DOCK3: variants seen among roughly 807,000 people sequenced by gnomAD.
DOCK3 encodes dedicator of cytokinesis 3.
DOCK3 carries 60 observed loss-of-function variants against 265.6 expected under a neutral mutation model. That is an observed-to-expected ratio of 0.23 (90% CI 0.18 to 0.28). The LOEUF (loss-of-function observed/expected upper bound fraction) is 0.28. Ranked by LOEUF, DOCK3 falls within the 10% of genes least tolerant of loss-of-function variation. The pLI is 1.00. For missense variants in DOCK3, 1,981 were observed against 2,594.3 expected (o/e 0.76, Z 5.14); for synonymous variants, 881 against 938.0 (o/e 0.94, Z 1.11).
At chr3:50,742,571 C>CG (rs2039125534) in intron 1 of DOCK3, among the ~76,000 whole-genome samples, 1 of 151,804 alleles carries the variant, frequency 6.6e-6, no homozygotes, top group African/African-American at 2.4e-5. Context: ...GGAGCCGATG[C>CG]GATCAACTGG....
Position 51,239,433 on chromosome 3 carries a change from C to A in DOCK3, c.2102+1843C>A, listed in dbSNP as rs1031236289. Among the ~76,000 whole-genome samples the A allele has an allele frequency of 3.3e-5, 5 of 151,938 alleles. No individual in the cohort carries two copies. The South Asian group carries it at 1.0e-3, about 31-fold the overall frequency. On this transcript the variant is annotated intron_variant, in intron 21 of 52. Coordinates refer to ENST00000266037, the MANE Select transcript of DOCK3 (RefSeq NM_004947.5). ...CCATGTTGGCCAGGCTGGTCTCCAT[C>A]TCCTGACCTGCCTCGGCCTCCCAAA... is the stretch of plus-strand genomic sequence containing the variant.
At chr3:51,241,100 G>C (rs1274791800) in intron 21 of DOCK3, among the ~76,000 whole-genome samples, 1 of 152,156 alleles carries the variant, frequency 6.6e-6, no homozygotes, top group Admixed American at 6.5e-5. Flanking sequence ...TCCTTCGGGA[G>C]CTCTTGTAAG....
chr3:51,077,903 T>A (rs994701645), intron 7 of DOCK3, among the ~76,000 whole-genome samples: 2 of 152,164 alleles, frequency 1.3e-5, no homozygotes, highest in African/African-American at 4.8e-5. Flanking sequence ...CAGACCTTCA[T>A]ACAGTGAAAC....
intron 5 of DOCK3, among the ~76,000 whole-genome samples, chr3:50,961,310 A>G (rs1351961716): frequency 6.6e-6 from 1 of 152,232 alleles, no homozygotes; most frequent in Non-Finnish European, 1.5e-5. Flanking sequence ...ACACTGAGTA[A>G]TATCTTAGAT....
chr3:50,983,129 C>T (rs996140174), intron 5 of DOCK3, among the ~76,000 whole-genome samples: 3 of 152,180 alleles, frequency 2.0e-5, no homozygotes, highest in Admixed American at 2.0e-4. Context: ...TCTGCTGCCT[C>T]GGCCCCCTCT....
chr3:51,255,573 C>A (rs1335803341), intron 22 of DOCK3, among the ~76,000 whole-genome samples: 4 of 152,200 alleles, frequency 2.6e-5, no homozygotes, highest in African/African-American at 9.6e-5. Flanking sequence ...TTTCTTTTTA[C>A]TCTTTTTTCT....
chr3:50,688,477 T>C (rs1246064562), intron 1 of DOCK3, among the ~76,000 whole-genome samples: 1 of 152,146 alleles, frequency 6.6e-6, no homozygotes, highest in East Asian at 1.9e-4. Flanking sequence ...ATTAATTATT[T>C]TGTGAGATGG....
chr3:51,267,602 T>C (rs2080265548), intron 23 of DOCK3, among the ~76,000 whole-genome samples: 1 of 152,074 alleles, frequency 6.6e-6, no homozygotes. Flanking sequence ...GCCAGGCTAG[T>C]CTCGAACTCC....
intron 1 of DOCK3, among the ~76,000 whole-genome samples, chr3:50,701,258 C>T (rs895964374): frequency 6.6e-6 from 1 of 151,376 alleles, no homozygotes; most frequent in Admixed American, 6.6e-5. Context: ...GCTAGGACAA[C>T]AGGTCCACGC....
At chr3:51,324,442 A>G (rs1385803922) in intron 32 of DOCK3, among the ~76,000 whole-genome samples, 4 of 152,216 alleles carry the variant, frequency 2.6e-5, no homozygotes, top group Admixed American at 1.3e-4. Flanking sequence ...AAATGGAAAA[A>G]CATTCCATGC....
intron 1 of DOCK3, among the ~76,000 whole-genome samples, chr3:50,764,647 A>C (rs1476126514): frequency 6.6e-6 from 1 of 152,146 alleles, no homozygotes; most frequent in Non-Finnish European, 1.5e-5. Flanking sequence ...ATATCTACAA[A>C]ATTTAAGAAT....
chr3:50,789,825 T>A (rs1446425588), intron 2 of DOCK3, among the ~76,000 whole-genome samples: 1 of 152,216 alleles, frequency 6.6e-6, no homozygotes, highest in Non-Finnish European at 1.5e-5. Context: ...CTGTGCCTTC[T>A]GGGTTCAAGC....
Position 51,089,236 on chromosome 3 carries a change from T to A in DOCK3, c.550-7T>A. On this transcript the variant is annotated splice_region_variant and splice_polypyrimidine_tract_variant and intron_variant, in intron 7 of 52. Transcript: ENST00000266037. The stretch of plus-strand genomic sequence containing the variant: ...TAGAGTTTATTTTTCTTTCCTTCTT[T>A]CCATAGCATTTATCTAGCCGGCAGA... 1.2e-6 allele frequency: 2 copies of A among 1,605,290 alleles called. No individual in the cohort carries two copies. Among genetic ancestry groups the A allele is most frequent in the Non-Finnish European group, 1.7e-6 (2 of 1,175,552 alleles).
At chr3:51,333,783 T>C (rs2084685701) in intron 35 of DOCK3, among the ~76,000 whole-genome samples, 1 of 152,160 alleles carries the variant, frequency 6.6e-6, no homozygotes, top group South Asian at 2.1e-4. Context: ...CAGAATAGAT[T>C]AGAGGAAACA....
At chr3:51,258,715 C>T (rs761490231) in intron 22 of DOCK3, among the ~76,000 whole-genome samples, 6 of 152,120 alleles carry the variant, frequency 3.9e-5, no homozygotes, top group Non-Finnish European at 7.4e-5. Flanking sequence ...TATAAGGATT[C>T]CAGGGTGTCA....
At chr3:51,318,403 T>G (rs1488293478) in intron 32 of DOCK3, among the ~76,000 whole-genome samples, 1 of 152,152 alleles carries the variant, frequency 6.6e-6, no homozygotes, top group African/African-American at 2.4e-5. Context: ...TATATCAAAT[T>G]GGGAAGAATT....
chr3:51,096,677 G>C (rs1277805965), intron 9 of DOCK3, among the ~76,000 whole-genome samples: 1 of 152,128 alleles, frequency 6.6e-6, no homozygotes, highest in Admixed American at 6.5e-5. Flanking sequence ...ATCCAGTTTT[G>C]TTGCCTTGCT....
chr3:51,284,540 A>G (rs534720150), intron 27 of DOCK3, among the ~76,000 whole-genome samples: 4 of 152,296 alleles, frequency 2.6e-5, no homozygotes, highest in Non-Finnish European at 5.9e-5. Flanking sequence ...ACCCCTTTGG[A>G]GCAGTGCAGA....
At chr3:51,315,184 G>A in intron 32 of DOCK3, 56 bp downstream of exon 32, 3 of 1,491,342 alleles carry the variant, frequency 2.0e-6, no homozygotes, top group South Asian at 1.4e-5. Context: ...TTCTGCTTAG[G>A]CAGGTGGCCT....
Sources: allele counts gnomAD v4.1 joint callset (sites outside exome capture counted in the v4.1 genomes callset), GRCh38; gene constraint gnomAD v4.1.1; transcripts MANE v1.5; gene names NCBI Gene and HGNC (gene_info 2026-07-23, HGNC 2026-07-21).